Variants in FAM107B observed in about 807,000 individuals in gnomAD.
The protein encoded by FAM107B is family with sequence similarity 107 member B, also known as protein FAM107B.
FAM107B carries 21 observed loss-of-function variants against 31.5 expected under a neutral mutation model. That is an observed-to-expected ratio of 0.67 (90% CI 0.47 to 0.96). FAM107B has a LOEUF of 0.96. FAM107B is among the 40% of genes least tolerant of loss of function. FAM107B has a pLI of 0.00. For missense variants in FAM107B, 452 were observed against 377.1 expected, an observed-to-expected ratio of 1.20 and a Z score of -1.64; for synonymous variants, 157 against 141.5, an observed-to-expected ratio of 1.11 and a Z score of -0.78.
chr10:14,711,936 G>T (rs917463112), intron 1 of FAM107B, among the ~76,000 whole-genome samples: 1 of 152,198 alleles, frequency 6.6e-6, no homozygotes, highest in African/African-American at 2.4e-5. Flanking sequence ...GCGCCACCGC[G>T]CCCGGCCTCA....
chr10:14,723,031 G>A (rs2131551412), intron 1 of FAM107B: 1 of 336,906 alleles, frequency 3.0e-6, no homozygotes, highest in Non-Finnish European at 5.7e-6. Context: ...TCTTTTACAT[G>A]TGTCTTATAT....
intron 2 of FAM107B, among the ~76,000 whole-genome samples, chr10:14,664,195 C>G (rs1445790286): frequency 5.3e-5 from 8 of 152,198 alleles, no homozygotes; most frequent in Admixed American, 4.6e-4. Context: ...GTTTTAAAGG[C>G]TCTATTTGAC....
At chr10:14,772,706 T>C (rs1009782983) in intron 1 of FAM107B, among the ~76,000 whole-genome samples, 4 of 152,148 alleles carry the variant, frequency 2.6e-5, no homozygotes, top group Non-Finnish European at 4.4e-5. Context: ...TTCCCAACTG[T>C]AATCCATCCT....
At chr10:14,596,755 C>T (rs985458999) in intron 2 of FAM107B, among the ~76,000 whole-genome samples, 2 of 152,118 alleles carry the variant, frequency 1.3e-5, no homozygotes, top group South Asian at 2.1e-4. Context: ...CTCTTGCACA[C>T]CCGACGCCCT....
chr10:14,628,120 T>TTGTTTTTTTTTTTTTTTTG (rs1421915734), intron 2 of FAM107B, among the ~76,000 whole-genome samples: 2 of 123,814 alleles, frequency 1.6e-5, no homozygotes, highest in East Asian at 2.7e-4. Context: ...TGGTTTTTTT[T>TTGTTTTTTTTTTTTTTTTG]TTTTTTTTTT....
At chr10:14,674,122 C>G (rs1199242010) in intron 1 of FAM107B, among the ~76,000 whole-genome samples, 1 of 152,126 alleles carries the variant, frequency 6.6e-6, no homozygotes, top group Non-Finnish European at 1.5e-5. Context: ...AAGACTTAAA[C>G]GTAAGACCCG....
chr10:14,772,611 G>A (rs897805889), intron 1 of FAM107B, among the ~76,000 whole-genome samples: 3 of 151,988 alleles, frequency 2.0e-5, no homozygotes, highest in Non-Finnish European at 4.4e-5. Context: ...GTCAACTGCC[G>A]CGTGTCCTGC....
intron 1 of FAM107B, among the ~76,000 whole-genome samples, chr10:14,747,506 T>C (rs981322529): frequency 2.1e-4 from 32 of 152,300 alleles, no homozygotes; most frequent in African/African-American, 6.5e-4. Context: ...GTTGTTGTTG[T>C]TGTTGCTTTC....
intron 2 of FAM107B, among the ~76,000 whole-genome samples, chr10:14,595,568 G>A (rs1043940644): frequency 3.9e-5 from 6 of 151,932 alleles, no homozygotes; most frequent in African/African-American, 1.5e-4. Context: ...TGGGACCACA[G>A]GCGTGCACCA....
intron 3 of FAM107B, among the ~76,000 whole-genome samples, chr10:14,526,598 A>G (rs1276216549): frequency 1.3e-5 from 2 of 152,230 alleles, no homozygotes; most frequent in South Asian, 2.1e-4. Flanking sequence ...CTTTATCTCT[A>G]GAACTGCCCC....
At chr10:14,653,732 C>T (rs927342812) in intron 2 of FAM107B, 1 of 152,168 alleles carries the variant, frequency 6.6e-6, no homozygotes, top group Non-Finnish European at 1.5e-5. Context: ...CTCTTATACA[C>T]AGTAAAATGT....
intron 1 of FAM107B, among the ~76,000 whole-genome samples, chr10:14,735,152 G>A (rs1856270326): frequency 6.6e-6 from 1 of 152,216 alleles, no homozygotes; most frequent in African/African-American, 2.4e-5. Context: ...TATTCCTCAA[G>A]AGCCAACGGC....
chr10:14,544,344 A>G (rs1309060053), intron 2 of FAM107B, among the ~76,000 whole-genome samples: 1 of 152,198 alleles, frequency 6.6e-6, no homozygotes, highest in East Asian at 1.9e-4. Flanking sequence ...AGTTAATTCA[A>G]GTCTGAATCC....
intron 2 of FAM107B, among the ~76,000 whole-genome samples, chr10:14,561,216 A>G (rs1850212064): frequency 6.6e-6 from 1 of 152,270 alleles, no homozygotes; most frequent in African/African-American, 2.4e-5. Flanking sequence ...ACATGGGCCT[A>G]GCAGCAAAGG....
chr10:14,582,657 G>C (rs1219877127), intron 2 of FAM107B, among the ~76,000 whole-genome samples: 1 of 151,960 alleles, frequency 6.6e-6, no homozygotes, highest in Non-Finnish European at 1.5e-5. Context: ...GATTACAGGC[G>C]TGAGCCACCA....
rs1833369748 is a variant in FAM107B at position 14,774,272 on chromosome 10, G to C, written c.392C>G (p.Ser131Ter). ...ACTCACCTTGGGCGTGTCAATAATT[G>C]ATGGTCTGGGGATGGAAGCGTGAAA... ...VVFHASIPRP[S>*]IIDTPKEEEF... Residue 131 changes from serine (S) to a stop codon, truncating the protein, a stop_gained, in exon 1 of 5, where the codon TCA (serine) becomes TGA (stop). Transcript: ENST00000181796. LOFTEE classifies it high-confidence loss of function. The C allele has an allele frequency of 6.2e-7, 1 of 1,611,094 alleles. No individual in the cohort carries two copies. Among genetic ancestry groups the C allele is most frequent in the Admixed American group, 1.7e-5 (1 of 59,856 alleles).
At chr10:14,643,969 T>A (rs1236907581) in intron 2 of FAM107B, among the ~76,000 whole-genome samples, 1 of 152,216 alleles carries the variant, frequency 6.6e-6, no homozygotes, top group African/African-American at 2.4e-5. Context: ...AGAAAACAGC[T>A]GTCCAATTGA....
intron 2 of FAM107B, among the ~76,000 whole-genome samples, chr10:14,624,967 G>A (rs1853118919): frequency 6.6e-6 from 1 of 152,182 alleles, no homozygotes; most frequent in African/African-American, 2.4e-5. Flanking sequence ...GCTCACGCCT[G>A]TAATCCTGGC....
At chr10:14,760,015 C>G (rs1025381474) in intron 1 of FAM107B, among the ~76,000 whole-genome samples, 6 of 152,016 alleles carry the variant, frequency 3.9e-5, no homozygotes, top group African/African-American at 7.2e-5. Flanking sequence ...CCTAGCCAAG[C>G]CTTCATCTAT....
Sources: gnomAD v4.1 joint callset for allele counts (sites outside exome capture counted in the v4.1 genomes callset) on GRCh38, gnomAD v4.1.1 for gene constraint, MANE v1.5 for transcripts, NCBI Gene and HGNC (gene_info 2026-07-23, HGNC 2026-07-21) for gene names.